BCL6: variants seen among roughly 807,000 people sequenced by gnomAD.
The protein encoded by BCL6 is B-cell lymphoma 6 protein.
BCL6 carries 7 observed loss-of-function variants against 59.5 expected under a neutral mutation model. The ratio of observed to expected loss-of-function variants is 0.12; its 90% confidence interval spans 0.07 to 0.22. The LOEUF is 0.22. Ranked by LOEUF, BCL6 falls within the 10% of genes least tolerant of loss-of-function variation. BCL6 has a pLI of 1.00. For missense variants in BCL6, 685 were observed against 939.4 expected (o/e 0.73, Z 3.54); for synonymous variants, 339 against 349.7 (o/e 0.97, Z 0.34).
chr3:187,727,307 C>T (rs1225595303), intron 6 of BCL6, among the ~76,000 whole-genome samples: 1 of 152,254 alleles, frequency 6.6e-6, no homozygotes, highest in Non-Finnish European at 1.5e-5. Context: ...CTCTGAGCCT[C>T]TCTCTGTATC....
intron 9 of BCL6, among the ~76,000 whole-genome samples, chr3:187,724,011 G>A (rs548049888): frequency 3.3e-5 from 5 of 152,262 alleles, no homozygotes; most frequent in South Asian, 2.1e-4. Context: ...AGAGGATAAC[G>A]AATTTGCCCA....
chr3:187,738,074 T>G (rs1360770093), intron 1 of BCL6: 2 of 152,020 alleles, frequency 1.3e-5, no homozygotes, highest in African/African-American at 4.8e-5. Context: ...GCTCTCAGAG[T>G]TCACCTAGTC....
chr3:187,733,525 T>A lies in BCL6; in HGVS notation c.161+8A>T, dbSNP rs140944763. On this transcript the variant is annotated splice_region_variant and intron_variant, in intron 3 of 9. Coordinates refer to ENST00000406870, the MANE Select transcript of BCL6 (RefSeq NM_001706.5). The stretch of plus-strand genomic sequence containing the variant: ...GACTTACCCACCCTTTCCTTTCAGA[T>A]CCCTCACCTGCAGGCCATGAGGACC... The A allele has an allele frequency of 6.8e-4, 1,090 of 1,611,934 alleles. 11 individuals are homozygous for A. The East Asian group carries it at 0.023, about 34-fold the overall frequency.
Position 187,729,310 on chromosome 3 carries a change from C to A in BCL6, c.1095G>T (p.Lys365Asn). Residue 365 changes from lysine (K) to asparagine (N), a missense_variant, in exon 5 of 10, where the codon AAG (lysine) becomes AAT (asparagine). This residue lies in a region of BCL6 where 28 missense variants were observed against 66.4 expected (regional missense o/e 0.42). Coordinates refer to ENST00000406870, the MANE Select transcript of BCL6 (RefSeq NM_001706.5). This position sits in a 1 kb window ranked among gnomAD's most constrained non-coding sequence, Gnocchi z 5.6. ...ILQASGSPPA[K>N]SPTDPKACNW... Reference sequence around the variant, plus strand: ...TGCAGGCTTTGGGGTCAGTGGGGCTCTTGGCTGGAGGGGAGCCAGAAGCCT... The same window carrying A: ...TGCAGGCTTTGGGGTCAGTGGGGCTATTGGCTGGAGGGGAGCCAGAAGCCT... 1 of 1,614,108 alleles carries A rather than the reference C, an allele frequency of 6.2e-7. No homozygotes were observed. Among genetic ancestry groups the A allele is most frequent in the Non-Finnish European group, 8.5e-7 (1 of 1,180,024 alleles).
At chr3:187,741,738 T>C (rs1006026713) in intron 1 of BCL6, among the ~76,000 whole-genome samples, 1 of 152,132 alleles carries the variant, frequency 6.6e-6, no homozygotes, top group Non-Finnish European at 1.5e-5. Flanking sequence ...CAGCCTACCA[T>C]TGCTCCACGC....
chr3:187,745,326 A>G (rs1576886825), intron 1 of BCL6, 84 bp downstream of exon 1: 2 of 401,374 alleles, frequency 5.0e-6, no homozygotes, highest in African/African-American at 4.1e-5. Context: ...GATCATGAGC[A>G]GCGGCGGCGG....
intron 1 of BCL6, among the ~76,000 whole-genome samples, chr3:187,739,026 C>T (rs1364202119): frequency 1.3e-5 from 2 of 152,130 alleles, no homozygotes; most frequent in African/African-American, 4.8e-5. Context: ...GGTTTGAAAC[C>T]GTCAACCCCT....
chr3:187,735,338 T>A (rs963159207), intron 1 of BCL6, among the ~76,000 whole-genome samples: 2 of 152,222 alleles, frequency 1.3e-5, no homozygotes, highest in African/African-American at 4.8e-5. Context: ...ATATTATCTT[T>A]CAAGCCTTAG....
chr3:187,741,126 G>C (rs919095310), intron 1 of BCL6, among the ~76,000 whole-genome samples: 1 of 152,232 alleles, frequency 6.6e-6, no homozygotes, highest in Admixed American at 6.5e-5. Context: ...CTGTCTGGTG[G>C]GGGCGAGGGT....
chr3:187,742,073 C>G (rs2108480474), intron 1 of BCL6, among the ~76,000 whole-genome samples: 1 of 152,216 alleles, frequency 6.6e-6, no homozygotes, highest in South Asian at 2.1e-4. Flanking sequence ...CTTCAAAGTC[C>G]TTTTTATCCG....
At position 187,725,634 on chromosome 3, in the gene BCL6, T is replaced by C; in HGVS notation, c.1709-5A>G. 1 of 1,613,940 alleles carries C rather than the reference T, an allele frequency of 6.2e-7. No homozygotes were observed. The highest frequency in any genetic ancestry group is 8.5e-7 in the Non-Finnish European group (1 of 1,179,948). On this transcript the variant is annotated splice_polypyrimidine_tract_variant and splice_region_variant and intron_variant, in intron 7 of 9. Coordinates refer to ENST00000406870, the MANE Select transcript of BCL6 (RefSeq NM_001706.5). This position sits in a 1 kb window ranked among gnomAD's most constrained non-coding sequence, Gnocchi z 4.7. ...TGCAACGATAGGGTTTCTCACCTAT[T>C]ACCAAGAAAAAGGGAAAAAGAAAAG...
chr3:187,729,057 C>A lies in BCL6; in HGVS notation c.1348G>T (p.Val450Phe). ...IPQASRLNNI[V>F]NRSMTGSPRS... is the part of the protein sequence containing the mutation. ...GACAGTCTCTGAAATCACCTGTTAA[C>A]GATGTTATTGAGCCGGCTGGCTTGT... The change falls in exon 5 of 10, where the codon GTT (valine) becomes TTT (phenylalanine). Residue 450 changes from valine (V) to phenylalanine (F), a missense_variant. Around this residue, in one of 7 missense-constraint regions of BCL6, gnomAD observed 207 missense variants for 213.7 expected, o/e 0.97. Transcript: ENST00000406870. The surrounding 1 kb of genome is among the most constrained non-coding windows in gnomAD (Gnocchi z 5.6). 6.6e-7 allele frequency: 1 copy of A among 1,523,642 alleles called. No individual in the cohort carries two copies. The allele number at this position is 1,523,642 out of a possible 1,614,324, so 94.4% of individuals were successfully genotyped here.
rs749853328 is a variant in BCL6, at chr3:187,722,452, C to T, written c.*6G>A. 1.3e-5 allele frequency: 21 copies of T among 1,611,100 alleles called. 1 individual carries two copies. The Admixed American group carries it at 2.2e-4, about 17-fold the overall frequency. ...GCTGGAGACGAAAGCATCAACACTC[C>T]ATGCTTCAGCAGGCTTTGGGGAGCT... is the stretch of plus-strand genomic sequence containing the variant. On this transcript the variant is annotated 3_prime_UTR_variant, in exon 10 of 10. Transcript: ENST00000406870.
intron 9 of BCL6, 67 bp downstream of exon 9, chr3:187,724,874 G>GCTCTACCTCCTTCCCTGCC (rs1553837199): frequency 2.5e-6 from 4 of 1,595,130 alleles, no homozygotes; most frequent in Admixed American, 3.4e-5. Context: ...CCTTCCCTGC[G>GCTCTACCTCCTTCCCTGCC]CTCCACCTCC....
chr3:187,745,183 T>G (rs568698906), intron 1 of BCL6, among the ~76,000 whole-genome samples: 3 of 152,166 alleles, frequency 2.0e-5, no homozygotes, highest in Admixed American at 6.5e-5. Flanking sequence ...GGACTAATCT[T>G]CGGCATTTAT....
At chr3:187,739,700 T>A (rs1711523633) in intron 1 of BCL6, among the ~76,000 whole-genome samples, 1 of 152,118 alleles carries the variant, frequency 6.6e-6, no homozygotes, top group Non-Finnish European at 1.5e-5. Context: ...GAGACAGCCT[T>A]CCAGAAGGGC....
chr3:187,728,642 G>C, intron 5 of BCL6, 98 bp from the exon 6 acceptor site: 1 of 1,249,308 alleles, frequency 8.0e-7, no homozygotes, highest in Non-Finnish European at 1.1e-6. Flanking sequence ...CCAGAGCTGG[G>C]CTGCCCACTC....
intron 6 of BCL6, 103 bp downstream of exon 6, chr3:187,728,257 G>T: frequency 1.6e-6 from 2 of 1,223,632 alleles, no homozygotes; most frequent in Non-Finnish European, 2.2e-6. Context: ...ATTGAGGACT[G>T]CTCCAATCAG....
Position 187,729,676 on chromosome 3 carries a change from G to A in BCL6, c.729C>T (p.Ser243=). The A allele has an allele frequency of 2.5e-6, 4 of 1,614,124 alleles. No homozygotes were observed. Among genetic ancestry groups the A allele is most frequent in the Middle Eastern group, 1.6e-4 (1 of 6,062 alleles). ...TGGGGGACACCTCCAAAGTCGGCCG[G>A]CTGTACTCACCAGGGACTGGCCTGG... is the stretch of plus-strand genomic sequence containing the variant. ...DSARPVPGEY[S]RPTLEVSPNV... Residue 243 remains serine, a synonymous_variant, in exon 5 of 10, where the codon AGC becomes AGT. Coordinates refer to ENST00000406870, the MANE Select transcript of BCL6 (RefSeq NM_001706.5). This position sits in a 1 kb window ranked among gnomAD's most constrained non-coding sequence, Gnocchi z 5.6.
Sources: gnomAD v4.1 joint callset for allele counts (sites outside exome capture counted in the v4.1 genomes callset) on GRCh38, gnomAD v4.1.1 for gene constraint, gnomAD v4.1.1 regional missense constraint, Gnocchi (gnomAD v3.1) non-coding constraint, MANE v1.5 for transcripts, NCBI Gene and HGNC (gene_info 2026-07-23, HGNC 2026-07-21) for gene names.